Variants in NAV1 observed in about 807,000 individuals in gnomAD.
The protein encoded by NAV1 is neuron navigator 1, also known as pore membrane and/or filament interacting like protein 3.
NAV1 carries 18 observed loss-of-function variants against 175.2 expected under a neutral mutation model. That is an observed-to-expected ratio of 0.10 (90% CI 0.07 to 0.15). The LOEUF (loss-of-function observed/expected upper bound fraction) is 0.15. NAV1 is among the 10% of genes least tolerant of loss of function. NAV1 has a pLI of 1.00. For synonymous variants in NAV1, 897 were observed against 978.7 expected (o/e 0.92, Z 1.56); for missense variants, 1,731 against 2,436.6 (o/e 0.71, Z 6.10).
chr1:201,809,748 T>C (rs1003140916), intron 22 of NAV1, among the ~76,000 whole-genome samples, 198 bp from the exon 27 acceptor site: 2 of 152,180 alleles, frequency 1.3e-5, no homozygotes. Context: ...CATGCATGGC[T>C]TCTCACAGGA....
At chr1:201,817,428 CATA>C in intron 29 of NAV1, 143 bp downstream of exon 33, 3 of 662,006 alleles carry the variant, frequency 4.5e-6, no homozygotes, top group Non-Finnish European at 5.0e-6. Flanking sequence ...GCCTGGGCAA[CATA>C]ATGAGACCCT....
At chr1:201,794,015 G>GC (rs1174501960) in intron 14 of NAV1, 140 bp downstream of exon 18, 21 of 740,938 alleles carry the variant, frequency 2.8e-5, no homozygotes, top group East Asian at 5.4e-5. Context: ...TTCTCAATCT[G>GC]CCCCCCAATA....
chr1:201,564,380 C>G (rs1457365303), intron 1 of NAV1, among the ~76,000 whole-genome samples: 1 of 152,034 alleles, frequency 6.6e-6, no homozygotes, highest in Non-Finnish European at 1.5e-5. Context: ...TTTGGGAGGC[C>G]GAGGCGGGCA....
At chr1:201,612,683 C>T (rs1667886808) in intron 2 of NAV1, among the ~76,000 whole-genome samples, 1 of 152,146 alleles carries the variant, frequency 6.6e-6, no homozygotes, top group Admixed American at 6.5e-5. Context: ...GCCCTCATGA[C>T]CTAATCTCCT....
intron 1 of NAV1, among the ~76,000 whole-genome samples, chr1:201,625,233 G>C (rs1386264020): frequency 6.6e-6 from 1 of 152,186 alleles, no homozygotes; most frequent in Non-Finnish European, 1.5e-5. Flanking sequence ...GGCTTAGAGA[G>C]GGTCTGAGCA....
At chr1:201,800,989 C>T (rs1391135242) in intron 15 of NAV1, among the ~76,000 whole-genome samples, 3 of 152,050 alleles carry the variant, frequency 2.0e-5, no homozygotes, top group African/African-American at 7.2e-5. Flanking sequence ...CCACCACACT[C>T]AGCTAATTTT....
At chr1:201,635,662 G>T (rs1202689029) in intron 2 of NAV1, among the ~76,000 whole-genome samples, 4 of 152,182 alleles carry the variant, frequency 2.6e-5, no homozygotes, top group African/African-American at 7.2e-5. Context: ...AGATGAGGAA[G>T]GTGATAAACT....
chr1:201,612,410 C>T (rs528269905), intron 2 of NAV1, among the ~76,000 whole-genome samples: 41 of 152,286 alleles, frequency 2.7e-4, no homozygotes, highest in African/African-American at 9.1e-4. Flanking sequence ...GCAGTGATAA[C>T]GCCACTGCAC....
At chr1:201,606,272 C>G (rs1199923629) in intron 2 of NAV1, among the ~76,000 whole-genome samples, 1 of 152,166 alleles carries the variant, frequency 6.6e-6, no homozygotes, top group East Asian at 1.9e-4. Context: ...CATTGCGAAA[C>G]CTCCTCTCCT....
chr1:201,653,566 A>C (rs1429848954), intron 1 of NAV1, among the ~76,000 whole-genome samples: 4 of 152,226 alleles, frequency 2.6e-5, no homozygotes, highest in African/African-American at 9.6e-5. Context: ...GAGTAGCAGG[A>C]GAAAGAAATG....
At chr1:201,642,556 TTTTCC>T (rs770401807) in intron 2 of NAV1, among the ~76,000 whole-genome samples, 4,604 of 123,516 alleles carry the variant, frequency 0.037, 169 homozygotes, top group Non-Finnish European at 0.049. Context: ...TTTCTTTCTT[TTTTCC>T]CTTTCTTCCC....
At chr1:201,638,232 G>C (rs918225877) in intron 2 of NAV1, among the ~76,000 whole-genome samples, 1 of 152,186 alleles carries the variant, frequency 6.6e-6, no homozygotes, top group African/African-American at 2.4e-5. Context: ...AGAAGACCCT[G>C]ACTTGTTGGG....
chr1:201,792,022 A>T (rs560854709), intron 13 of NAV1: 6 of 152,236 alleles, frequency 3.9e-5, no homozygotes, highest in Admixed American at 3.3e-4. Flanking sequence ...TGTCTGATTC[A>T]TTTACACTGC....
chr1:201,754,285 T>A (rs775590626), intron 3 of NAV1, among the ~76,000 whole-genome samples: 15 of 151,926 alleles, frequency 9.9e-5, no homozygotes, highest in Non-Finnish European at 2.1e-4. Flanking sequence ...CACCAGTAAG[T>A]CAAGAGCCAC....
intron 1 of NAV1, among the ~76,000 whole-genome samples, chr1:201,555,644 G>A (rs1015158412): frequency 5.3e-5 from 8 of 152,144 alleles, no homozygotes; most frequent in East Asian, 3.9e-4. Flanking sequence ...CATCCCCTGC[G>A]CCATCACCCC....
Position 201,693,155 on chromosome 1 carries a change from T to G in NAV1, c.758-19662T>G, listed in dbSNP as rs1056678017. ...GTTTAGCAGGCCTTTATGGAAGGCC[T>G]ACAACATATCAGGCACTGTGCCAGG... On this transcript the variant is annotated intron_variant, in intron 1 of 29. Coordinates refer to ENST00000367296, the Ensembl canonical transcript of NAV1. 8.5e-5 allele frequency among the ~76,000 whole-genome samples: 13 copies of G among 152,226 alleles called. 1 individual carries two copies. The highest frequency in any genetic ancestry group is 7.8e-4 in the Admixed American group (12 of 15,290).
intron 2 of NAV1, among the ~76,000 whole-genome samples, chr1:201,636,044 A>G (rs1438293275): frequency 2.0e-5 from 3 of 152,242 alleles, no homozygotes; most frequent in African/African-American, 7.2e-5. Context: ...TGGCCAATCC[A>G]GGTAAGCCTC....
In NAV1 at chr1:201,623,530, C is replaced by G. The variant is rs58711187; in HGVS notation, c.-177C>G. 6.1e-6 allele frequency: 6 copies of G among 986,228 alleles called. No individual in the cohort carries two copies. In the East Asian group the frequency reaches 6.8e-4, roughly 112 times the overall value. 61.1% of individuals were successfully genotyped at this position (986,228 alleles called of 1,614,324 possible). A position where few individuals can be genotyped will look rare whatever the true frequency, so the allele number is the denominator to read the frequency against. On this transcript the variant is annotated 5_prime_UTR_variant, in exon 1 of 30. Coordinates refer to the NAV1 transcript ENST00000367302. ...GCAGGGCAAGCGCCCCTCTCCCTCTCCGGGGGCCATTAGCTTCTCCTCAGT... is the reference window on the plus strand; with the variant it reads ...GCAGGGCAAGCGCCCCTCTCCCTCTGCGGGGGCCATTAGCTTCTCCTCAGT...
chr1:201,786,330 A>G (rs1676744837), intron 8 of NAV1, 99 bp from the exon 13 acceptor site: 11 of 1,243,284 alleles, frequency 8.8e-6, no homozygotes, highest in Middle Eastern at 2.2e-4. Flanking sequence ...TGCTTTCAGA[A>G]TCTCCTGGCT....
Sources: gnomAD v4.1 joint callset for allele counts (sites outside exome capture counted in the v4.1 genomes callset) on GRCh38, gnomAD v4.1.1 for gene constraint, MANE v1.5 for transcripts, NCBI Gene and HGNC (gene_info 2026-07-23, HGNC 2026-07-21) for gene names.